TBCD: variants seen among roughly 807,000 people sequenced by gnomAD.
TBCD encodes tubulin-specific chaperone D.
A neutral mutation model predicts 169.3 loss-of-function variants in TBCD; 105 were observed. That is an observed-to-expected ratio of 0.62 (90% CI 0.53 to 0.73). The LOEUF (loss-of-function observed/expected upper bound fraction) is 0.73, where lower values mean the gene tolerates loss of function less well. Ranked by LOEUF, TBCD falls within the 30% of genes least tolerant of loss-of-function variation. The pLI is 0.00. For synonymous variants in TBCD, 700 were observed against 643.9 expected (o/e 1.09, Z -1.32); for missense variants, 1,444 against 1,600.1 (o/e 0.90, Z 1.66).
At chr17:82,756,116 G>T (rs189532244) in intron 1 of TBCD, 49 bp from the exon 2 acceptor site, 1 of 1,515,676 alleles carries the variant, frequency 6.6e-7, no homozygotes. Context: ...AGGCTCATGG[G>T]TATGTTTGGC....
chr17:82,753,474 C>T (rs2047228305), intron 1 of TBCD, among the ~76,000 whole-genome samples: 1 of 64,976 alleles, frequency 1.5e-5, no homozygotes, highest in African/African-American at 6.6e-5. Context: ...TTTTTTGATA[C>T]GAAGTCTTGC....
intron 23 of TBCD, among the ~76,000 whole-genome samples, chr17:82,916,955 TACGCCTCCTTAC>T (rs1453489545): frequency 6.6e-6 from 1 of 152,074 alleles, no homozygotes; most frequent in Non-Finnish European, 1.5e-5. Flanking sequence ...CTTAATTCTT[TACGCCTCCTTAC>T]ACTCCCTCCT....
chr17:82,843,118 G>T (rs1000863458), intron 13 of TBCD, among the ~76,000 whole-genome samples: 4 of 152,138 alleles, frequency 2.6e-5, no homozygotes, highest in Non-Finnish European at 4.4e-5. Context: ...TAGTACTGTG[G>T]TTGAGAACCT....
intron 7 of TBCD, among the ~76,000 whole-genome samples, chr17:82,792,876 C>A (rs145600778): frequency 7.2e-5 from 11 of 152,170 alleles, no homozygotes; most frequent in Non-Finnish European, 1.6e-4. Flanking sequence ...CATCCTCCCC[C>A]CTCAGCCTCC....
chr17:82,781,343 G>A (rs1010838147), intron 6 of TBCD, among the ~76,000 whole-genome samples: 8 of 151,544 alleles, frequency 5.3e-5, no homozygotes, highest in East Asian at 3.9e-4. Flanking sequence ...GTAGGCCTGC[G>A]ACCTGAGAGG....
At chr17:82,793,456 C>T (rs1411108180) in intron 7 of TBCD, among the ~76,000 whole-genome samples, 2 of 152,200 alleles carry the variant, frequency 1.3e-5, no homozygotes, top group South Asian at 2.1e-4. Flanking sequence ...CCAGCAAATG[C>T]ACTGGACGTT....
rs920708432 is a variant in TBCD, at chr17:82,922,759, G to A, written c.2179-893G>A. Among the ~76,000 whole-genome samples the A allele has an allele frequency of 1.3e-5, 2 of 152,182 alleles. No individual in the cohort carries two copies. Among genetic ancestry groups the A allele is most frequent in the Admixed American group, 6.5e-5 (1 of 15,268 alleles). On this transcript the variant is annotated intron_variant, in intron 25 of 38. Transcript: ENST00000355528. The surrounding 1 kb of genome is among the most constrained non-coding windows in gnomAD (Gnocchi z 4.1). ...TCTGCTCATGGCCCCCACCTGCCCC[G>A]CCCCCAGTGCCTCTCCAAGGCTGCT... is the stretch of plus-strand genomic sequence containing the variant.
rs869228 is a variant in TBCD at position 82,806,135 on chromosome 17, G to T, written c.1087+124G>T. The T allele has an allele frequency of 2.2e-6, 3 of 1,336,886 alleles. No homozygotes were observed. The African/African-American group carries it at 4.4e-5, about 19-fold the overall frequency. The allele number at this position is 1,336,886 out of a possible 1,614,324, so 82.8% of individuals were successfully genotyped here. On this transcript the variant is annotated intron_variant, in intron 10 of 38. Transcript: ENST00000355528. The surrounding 1 kb of genome is among the most constrained non-coding windows in gnomAD (Gnocchi z 5.1). ...CACTGTCTGGCCACCCGTCCCCTTC[G>T]CTGAGTGCACGGTCACTGCCCGTCC...
rs928878869 is a variant in TBCD, at chr17:82,789,188, G to A, written c.771+7467G>A. On this transcript the variant is annotated intron_variant, in intron 7 of 38. Transcript: ENST00000355528. The surrounding 1 kb of genome is among the most constrained non-coding windows in gnomAD (Gnocchi z 4.8). Reference sequence around the variant, plus strand: ...GAGGTACCCCAGGCCACGCTGGTTCGGTCTCCTCGTGGCGTTAAGGAAAGA... The same window carrying A: ...GAGGTACCCCAGGCCACGCTGGTTCAGTCTCCTCGTGGCGTTAAGGAAAGA... Among the ~76,000 whole-genome samples the A allele has an allele frequency of 6.6e-6, 1 of 152,146 alleles. No individual in the cohort carries two copies. The highest frequency in any genetic ancestry group is 1.5e-5 in the Non-Finnish European group (1 of 68,032).
At position 82,944,028 on chromosome 17, in the gene TBCD, GCTC is replaced by G. The variant is rs1190343372; in HGVS notation, c.*1568_*1570del. On this transcript the variant is annotated 3_prime_UTR_variant, in exon 39 of 39. Transcript: ENST00000355528. ...CATCGCCATGCCTGCAGCTCACAAAGCTCCTGCTGGCCTGGGATGCACTGAGGA... is the reference window on the plus strand; with the variant it reads ...CATCGCCATGCCTGCAGCTCACAAAGCTGCTGGCCTGGGATGCACTGAGGA... The G allele has an allele frequency of 2.1e-4, 32 of 152,242 alleles. No individual in the cohort carries two copies. Among genetic ancestry groups the G allele is most frequent in the Admixed American group, 2.0e-3 (31 of 15,290 alleles). The allele number at this position is 152,242 out of a possible 1,614,324, so 9.4% of individuals were successfully genotyped here.
At chr17:82,877,199 T>C (rs549662603) in intron 14 of TBCD, among the ~76,000 whole-genome samples, 1 of 152,348 alleles carries the variant, frequency 6.6e-6, no homozygotes, top group African/African-American at 2.4e-5. Flanking sequence ...CCAGAAATTC[T>C]TGATTCATAT....
intron 13 of TBCD, among the ~76,000 whole-genome samples, chr17:82,826,580 T>C (rs1182709558): frequency 6.6e-6 from 1 of 152,012 alleles, no homozygotes; most frequent in Non-Finnish European, 1.5e-5. Context: ...ATTGCTCAGC[T>C]AATTTTTGTA....
At chr17:82,925,227 C>G (rs1177382169) in intron 27 of TBCD, among the ~76,000 whole-genome samples, 170 bp downstream of exon 27, 2 of 152,226 alleles carry the variant, frequency 1.3e-5, no homozygotes, top group Non-Finnish European at 2.9e-5. Context: ...AGAGGGCACC[C>G]AAGGTCTGTG....
chr17:82,812,607 C>T (rs577520953), intron 12 of TBCD, among the ~76,000 whole-genome samples: 4 of 152,298 alleles, frequency 2.6e-5, no homozygotes, highest in Non-Finnish European at 4.4e-5. Flanking sequence ...TGCAGTGGCG[C>T]GGTCTTGGCT....
intron 9 of TBCD, among the ~76,000 whole-genome samples, chr17:82,805,481 G>A (rs1034038471): frequency 2.0e-5 from 3 of 152,200 alleles, no homozygotes; most frequent in Admixed American, 6.5e-5. Context: ...AAGGGGCGGT[G>A]TGTGGCCTGG....
At chr17:82,921,608 G>C in intron 25 of TBCD, 31 bp downstream of exon 25, 1 of 1,606,064 alleles carries the variant, frequency 6.2e-7, no homozygotes, top group Non-Finnish European at 8.5e-7. Context: ...CCCGGCCGGC[G>C]CTGTGGCGGT....
intron 13 of TBCD, among the ~76,000 whole-genome samples, chr17:82,836,339 T>C (rs1372257816): frequency 6.6e-6 from 1 of 152,216 alleles, no homozygotes; most frequent in Non-Finnish European, 1.5e-5. Context: ...TTGTATAGGA[T>C]GTGTTACGGC....
At chr17:82,811,196 C>T (rs559131557) in intron 12 of TBCD, among the ~76,000 whole-genome samples, 15 of 152,302 alleles carry the variant, frequency 9.8e-5, no homozygotes, top group Non-Finnish European at 1.5e-4. Flanking sequence ...GTGCCACCTG[C>T]GGCCTTCACA....
At position 82,891,093 on chromosome 17, in the gene TBCD, C is replaced by A. The variant is rs568690591; in HGVS notation, c.1563+1396C>A. Among the ~76,000 whole-genome samples the A allele has an allele frequency of 2.6e-5, 4 of 152,324 alleles. No individual in the cohort carries two copies. The South Asian group carries it at 6.2e-4, about 24-fold the overall frequency. On this transcript the variant is annotated intron_variant, in intron 16 of 38. Coordinates refer to ENST00000355528, the MANE Select transcript of TBCD (RefSeq NM_005993.5). ...GCTGGGTGGGCCCTGGGGCGCACTC[C>A]GCCATCACTCTGTGTTCCGGGTTCC...
Sources: allele counts gnomAD v4.1 joint callset (sites outside exome capture counted in the v4.1 genomes callset), GRCh38; gene constraint gnomAD v4.1.1; non-coding constraint Gnocchi (gnomAD v3.1); transcripts MANE v1.5; gene names NCBI Gene and HGNC (gene_info 2026-07-23, HGNC 2026-07-21).